The following EYS variants were observed in gnomAD, a reference collection of about 807,000 sequenced individuals.
The protein encoded by EYS is EGF-like photoreceptor maintenance factor.
In EYS, 250 loss-of-function variants were observed where a neutral mutation model predicts 282.1. The ratio of observed to expected loss-of-function variants is 0.89; its 90% CI spans 0.80 to 0.98. EYS has a LOEUF of 0.98. Ranked by LOEUF, EYS falls within the 50% of genes least tolerant of loss-of-function variation. EYS has a pLI of 0.00. For missense variants in EYS, 4,016 were observed against 3,709.0 expected (o/e 1.08, Z -2.15); for synonymous variants, 1,355 against 1,282.9 (o/e 1.06, Z -1.20).
At chr6:63,776,924 T>C (rs1031844403) in intron 40 of EYS, among the ~76,000 whole-genome samples, 3 of 152,214 alleles carry the variant, frequency 2.0e-5, no homozygotes, top group Admixed American at 6.6e-5. Context: ...CGTGTGCTTC[T>C]AATTAAGTTT....
chr6:64,260,995 A>T (rs1767569339), intron 30 of EYS, among the ~76,000 whole-genome samples: 1 of 94,502 alleles, frequency 1.1e-5, no homozygotes, highest in South Asian at 3.9e-4. Flanking sequence ...CTAGAGTATC[A>T]CTTTCAGCAC....
chr6:64,320,169 T>A (rs1561927952), intron 29 of EYS, among the ~76,000 whole-genome samples: 1 of 151,998 alleles, frequency 6.6e-6, no homozygotes, highest in Non-Finnish European at 1.5e-5. Context: ...AGATGAGAAG[T>A]CAGTGATAAA....
chr6:64,364,794 T>C (rs985349352), intron 29 of EYS, among the ~76,000 whole-genome samples: 1 of 151,898 alleles, frequency 6.6e-6, no homozygotes, highest in African/African-American at 2.4e-5. Flanking sequence ...TACTTCCTAT[T>C]GTGTACAATG....
chr6:64,110,537 A>G (rs1171396830), intron 31 of EYS, among the ~76,000 whole-genome samples: 3 of 152,034 alleles, frequency 2.0e-5, no homozygotes, highest in Non-Finnish European at 4.4e-5. Context: ...CTATGGCTAT[A>G]TGGATCTGAA....
chr6:64,311,150 A>G (rs967497981), intron 29 of EYS, among the ~76,000 whole-genome samples: 1 of 152,106 alleles, frequency 6.6e-6, no homozygotes, highest in African/African-American at 2.4e-5. Context: ...TTAATACTAA[A>G]CTCTAAAGCA....
At chr6:64,151,174 A>G (rs1053389637) in intron 31 of EYS, among the ~76,000 whole-genome samples, 1 of 151,292 alleles carries the variant, frequency 6.6e-6, no homozygotes, top group Non-Finnish European at 1.5e-5. Flanking sequence ...TTATGGTGTA[A>G]TGATATATTA....
intron 12 of EYS, among the ~76,000 whole-genome samples, chr6:65,171,566 A>G (rs1487250454): frequency 1.3e-5 from 2 of 151,068 alleles, no homozygotes; most frequent in Non-Finnish European, 3.0e-5. Context: ...ACACTGAAGT[A>G]TATTTCTTTA....
intron 41 of EYS, among the ~76,000 whole-genome samples, chr6:63,731,099 C>A (rs879893178): frequency 6.6e-6 from 1 of 152,122 alleles, no homozygotes; most frequent in Non-Finnish European, 1.5e-5. Flanking sequence ...GAAATGGAAT[C>A]GCAGTGTGAT....
At chr6:64,532,721 A>AT (rs1435494865) in intron 26 of EYS, among the ~76,000 whole-genome samples, 1 of 152,130 alleles carries the variant, frequency 6.6e-6, no homozygotes, top group Non-Finnish European at 1.5e-5. Context: ...AAATAAATAA[A>AT]TAAATTAAAT....
chr6:64,905,155 A>G (rs892542405), intron 16 of EYS, among the ~76,000 whole-genome samples: 1 of 152,244 alleles, frequency 6.6e-6, no homozygotes, highest in African/African-American at 2.4e-5. Flanking sequence ...AGGGCACTCT[A>G]TGTTGTTCAC....
At chr6:65,515,310 T>C (rs1252635951) in intron 2 of EYS, among the ~76,000 whole-genome samples, 1 of 151,950 alleles carries the variant, frequency 6.6e-6, no homozygotes, top group East Asian at 1.9e-4. Flanking sequence ...GGAGAGGATG[T>C]GGAGAAATAG....
intron 22 of EYS, among the ~76,000 whole-genome samples, chr6:64,703,946 G>T (rs947287178): frequency 3.3e-5 from 5 of 151,968 alleles, no homozygotes; most frequent in Non-Finnish European, 7.4e-5. Context: ...TATGCACATT[G>T]GTGCATATTT....
intron 34 of EYS, among the ~76,000 whole-genome samples, chr6:63,985,852 G>C (rs1252346764): frequency 6.6e-6 from 1 of 151,740 alleles, no homozygotes; most frequent in African/African-American, 2.4e-5. Flanking sequence ...TACCATTCTG[G>C]ACATAGGAAA....
At chr6:65,616,088 T>C (rs1438258005) in intron 2 of EYS, among the ~76,000 whole-genome samples, 1 of 152,080 alleles carries the variant, frequency 6.6e-6, no homozygotes, top group African/African-American at 2.4e-5. Flanking sequence ...TTACAGTTTT[T>C]CAGTTTTAAG....
intron 28 of EYS, among the ~76,000 whole-genome samples, chr6:64,394,384 C>G (rs1773280598): frequency 6.6e-6 from 1 of 152,152 alleles, no homozygotes; most frequent in African/African-American, 2.4e-5. Flanking sequence ...TCAAACTATA[C>G]TACAAGGCTA....
At chr6:64,576,529 C>T (rs898472110) in intron 26 of EYS, among the ~76,000 whole-genome samples, 1 of 152,006 alleles carries the variant, frequency 6.6e-6, no homozygotes, top group African/African-American at 2.4e-5. Context: ...TCTTTGTTCA[C>T]TTGTTCCCAC....
At chr6:64,438,187 AC>A (rs1342945636) in intron 27 of EYS, among the ~76,000 whole-genome samples, 3 of 151,900 alleles carry the variant, frequency 2.0e-5, no homozygotes, top group Admixed American at 1.3e-4. Context: ...TATAACACTT[AC>A]CAAGTGCAAA....
At chr6:64,236,918 C>T (rs191021275) in intron 30 of EYS, among the ~76,000 whole-genome samples, 266 of 151,946 alleles carry the variant, frequency 1.8e-3, no homozygotes, top group African/African-American at 5.9e-3. Flanking sequence ...ATGTATGTAA[C>T]AAACATTCTT....
intron 12 of EYS, among the ~76,000 whole-genome samples, chr6:65,220,906 C>T (rs1207426209): frequency 1.3e-5 from 2 of 152,076 alleles, no homozygotes; most frequent in Non-Finnish European, 2.9e-5. Context: ...GTGACTCTTG[C>T]TATATTTTAG....
Sources: gnomAD v4.1 joint callset for allele counts (sites outside exome capture counted in the v4.1 genomes callset) on GRCh38, gnomAD v4.1.1 for gene constraint, MANE v1.5 for transcripts, NCBI Gene and HGNC (gene_info 2026-07-23, HGNC 2026-07-21) for gene names.